Variants in SLC24A2 observed in about 807,000 individuals in gnomAD.
SLC24A2 encodes the protein sodium/potassium/calcium exchanger 2.
Under a neutral mutation model 62.0 loss-of-function variants are expected in SLC24A2, and 36 were observed. That is an observed-to-expected ratio of 0.58 (90% confidence interval 0.44 to 0.77). SLC24A2 has a LOEUF of 0.77. Among genes scored for constraint, SLC24A2 ranks in the 30% least tolerant of loss-of-function variants. SLC24A2 has a pLI of 0.00. For missense variants in SLC24A2, 846 were observed against 817.9 expected, an observed-to-expected ratio of 1.03 and a Z score of -0.42; for synonymous variants, 358 against 294.0, an observed-to-expected ratio of 1.22 and a Z score of -2.23.
At chr9:19,923,661 A>G in the SLC24A2 span, among the ~76,000 whole-genome samples, 1 of 152,276 alleles carries the variant, frequency 6.6e-6, no homozygotes, top group Non-Finnish European at 1.5e-5. Flanking sequence ...AAATGGGGAT[A>G]TAGTTGTTGT....
intron 2 of SLC24A2, among the ~76,000 whole-genome samples, chr9:19,659,818 G>C (rs760446362): frequency 1.3e-5 from 2 of 151,972 alleles, no homozygotes; most frequent in Non-Finnish European, 2.9e-5. Context: ...TGAAATCCAG[G>C]GCCCACAAGG....
chr9:19,558,085 G>C (rs1024968319), intron 7 of SLC24A2, among the ~76,000 whole-genome samples: 2 of 152,170 alleles, frequency 1.3e-5, no homozygotes, highest in Non-Finnish European at 2.9e-5. Context: ...TTATGGGTGT[G>C]AGCTACTGTT....
chr9:20,084,263 A>G, the SLC24A2 span, among the ~76,000 whole-genome samples: 5 of 152,210 alleles, frequency 3.3e-5, no homozygotes, highest in Non-Finnish European at 7.3e-5. Flanking sequence ...ATTTTCAAGT[A>G]GCGTACTTCA....
At chr9:20,169,537 G>A in the SLC24A2 span, among the ~76,000 whole-genome samples, 1 of 151,992 alleles carries the variant, frequency 6.6e-6, no homozygotes, top group Non-Finnish European at 1.5e-5. Context: ...GTGTTAGCCT[G>A]AAGCCTGGTA....
chr9:19,876,363 G>GGTGTGT, the SLC24A2 span, among the ~76,000 whole-genome samples: 1 of 114,576 alleles, frequency 8.7e-6, no homozygotes, highest in Non-Finnish European at 1.9e-5. Flanking sequence ...GTTTATTGAA[G>GGTGTGT]GCGTGTGTGT....
the SLC24A2 span, among the ~76,000 whole-genome samples, chr9:20,035,041 T>C: frequency 1.3e-5 from 2 of 151,694 alleles, no homozygotes; most frequent in African/African-American, 4.8e-5. Context: ...ATATATATAC[T>C]AGAAAAAAGT....
intron 2 of SLC24A2, among the ~76,000 whole-genome samples, chr9:19,751,294 A>G (rs1193742247): frequency 6.6e-6 from 1 of 152,214 alleles, no homozygotes; most frequent in Non-Finnish European, 1.5e-5. Flanking sequence ...TCATGTCCAT[A>G]TGACAGAGAA....
intron 2 of SLC24A2, among the ~76,000 whole-genome samples, chr9:19,636,231 A>C: frequency 6.6e-6 from 1 of 151,908 alleles, no homozygotes; most frequent in Non-Finnish European, 1.5e-5. Flanking sequence ...TTATAAATAC[A>C]AATACTATTT....
At chr9:20,148,525 T>C in the SLC24A2 span, among the ~76,000 whole-genome samples, 2 of 152,072 alleles carry the variant, frequency 1.3e-5, no homozygotes, top group Non-Finnish European at 2.9e-5. Context: ...AGGGAAGTCT[T>C]TGGCAGCTGT....
intron 2 of SLC24A2, among the ~76,000 whole-genome samples, chr9:19,724,761 C>G (rs545127005): frequency 6.6e-6 from 1 of 152,224 alleles, no homozygotes; most frequent in Admixed American, 6.5e-5. Context: ...TATTTAAAGT[C>G]TTTCAATTTC....
At chr9:20,274,702 T>A in the SLC24A2 span, among the ~76,000 whole-genome samples, 6 of 152,188 alleles carry the variant, frequency 3.9e-5, no homozygotes, top group Non-Finnish European at 5.9e-5. Flanking sequence ...CTATCTTCAC[T>A]AATTTACAAT....
the SLC24A2 span, among the ~76,000 whole-genome samples, chr9:19,890,406 T>C: frequency 5.3e-5 from 8 of 152,290 alleles, no homozygotes; most frequent in Non-Finnish European, 1.2e-4. Flanking sequence ...TTGCCAGTGA[T>C]CCAAATCTCA....
chr9:19,531,866 T>A (rs1407371503), intron 8 of SLC24A2, among the ~76,000 whole-genome samples: 1 of 152,176 alleles, frequency 6.6e-6, no homozygotes. Context: ...AACATCTAGT[T>A]GTTTTGAGGA....
intron 7 of SLC24A2, among the ~76,000 whole-genome samples, chr9:19,557,037 C>A (rs1028450550): frequency 6.6e-6 from 1 of 152,150 alleles, no homozygotes; most frequent in Non-Finnish European, 1.5e-5. Flanking sequence ...TCCTTGAGAC[C>A]AGCCCCCTCA....
At chr9:20,232,749 G>C in the SLC24A2 span, among the ~76,000 whole-genome samples, 1 of 152,118 alleles carries the variant, frequency 6.6e-6, no homozygotes, top group African/African-American at 2.4e-5. Context: ...GTTCTGTTCT[G>C]ATCTTAGTTA....
chr9:20,268,289 T>C, the SLC24A2 span, among the ~76,000 whole-genome samples: 2 of 152,176 alleles, frequency 1.3e-5, no homozygotes, highest in Non-Finnish European at 1.5e-5. Context: ...ACATCAGGCC[T>C]TATGCCCCAC....
At chr9:20,097,828 C>T in the SLC24A2 span, among the ~76,000 whole-genome samples, 5 of 145,534 alleles carry the variant, frequency 3.4e-5, no homozygotes, top group African/African-American at 7.6e-5. Context: ...CTGCAAGCTC[C>T]GCCTCCCGGG....
intron 2 of SLC24A2, among the ~76,000 whole-genome samples, chr9:19,719,153 G>C (rs775741695): frequency 2.0e-5 from 3 of 152,036 alleles, no homozygotes; most frequent in South Asian, 2.1e-4. Flanking sequence ...AAGTTTTCTG[G>C]GGGCATAGCT....
chr9:19,746,467 T>C (rs1430391036), intron 2 of SLC24A2, among the ~76,000 whole-genome samples: 1 of 152,132 alleles, frequency 6.6e-6, no homozygotes. Context: ...TGGAGTCTCA[T>C]GGTGACTAAC....
Sources: gnomAD v4.1 joint callset for allele counts (sites outside exome capture counted in the v4.1 genomes callset) on GRCh38, gnomAD v4.1.1 for gene constraint, MANE v1.5 for transcripts, NCBI Gene and HGNC (gene_info 2026-07-23, HGNC 2026-07-21) for gene names.